CNOT1: variants seen among roughly 807,000 people sequenced by gnomAD.
The protein encoded by CNOT1 is CCR4-associated factor 1.
Under a neutral mutation model 273.8 loss-of-function variants are expected in CNOT1, and 15 were observed. The ratio of observed to expected loss-of-function variants is 0.05; its 90% CI spans 0.04 to 0.08. CNOT1 has a LOEUF of 0.08. Ranked by LOEUF, CNOT1 falls within the 10% of genes least tolerant of loss-of-function variation. The pLI is 1.00. For synonymous variants in CNOT1, 1,022 were observed against 1,005.5 expected, an observed-to-expected ratio of 1.02 and a Z score of -0.31; for missense variants, 1,644 against 2,912.2, an observed-to-expected ratio of 0.56 and a Z score of 10.02.
At position 58,578,606 on chromosome 16, in the gene CNOT1, T is replaced by TA. The variant is rs35176616; in HGVS notation, c.1584+92dup. The TA allele has an allele frequency of 0.31, 467,806 of 1,493,084 alleles. 74,830 individuals carry two copies. The highest frequency in any genetic ancestry group is 0.59 in the African/African-American group (41,482 of 70,474). The allele number at this position is 1,493,084 out of a possible 1,614,324, so 92.5% of individuals were successfully genotyped here. A position where few individuals can be genotyped will look rare whatever the true frequency, so the allele number is the denominator to read the frequency against. On this transcript the variant is annotated intron_variant, in intron 13 of 48. Coordinates refer to ENST00000317147, the MANE Select transcript of CNOT1 (RefSeq NM_016284.5). ...TTAAAGTCATAATAATTCAGAGATG[T>TA]AAAAAAAAATTTCTCTGGTTGAGCT... is the stretch of plus-strand genomic sequence containing the variant.
chr16:58,597,406 A>C (rs2042302594), intron 2 of CNOT1, among the ~76,000 whole-genome samples: 1 of 151,824 alleles, frequency 6.6e-6, no homozygotes, highest in Admixed American at 6.6e-5. Flanking sequence ...ACCCAGGAAA[A>C]GGAGGTTGCA....
intron 2 of CNOT1, among the ~76,000 whole-genome samples, chr16:58,596,707 G>A (rs372251960): frequency 3.3e-5 from 5 of 151,894 alleles, no homozygotes; most frequent in Non-Finnish European, 7.4e-5. Flanking sequence ...CTAACACGAT[G>A]AAACCCCGTC....
At chr16:58,543,308 G>A in intron 31 of CNOT1, 2 of 1,547,936 alleles carry the variant, frequency 1.3e-6, no homozygotes, top group Non-Finnish European at 1.7e-6. Flanking sequence ...TAACAGAAAT[G>A]AGATTGTCAG....
chr16:58,523,203 C>CCACT (rs1467023175), intron 47 of CNOT1, 167 bp downstream of exon 47: 1 of 540,294 alleles, frequency 1.9e-6, no homozygotes, highest in Non-Finnish European at 2.9e-6. Flanking sequence ...CAAGATGGCG[C>CCACT]CACTGTACTG....
At position 58,587,369 on chromosome 16, in the gene CNOT1, C is replaced by T; in HGVS notation, c.354G>A (p.Val118=). Residue 118 remains valine (V), a synonymous_variant, in exon 5 of 49, where the codon GTG becomes GTA. Coordinates refer to ENST00000317147, the MANE Select transcript of CNOT1 (RefSeq NM_016284.5). ...CCTCTTGTACTTTGCTTAATTTGAG[C>T]ACTTTACTCAGCTGGGCAAATAAGT... ...APHLFAQLSK[V]LKLSKVQEVI... The T allele has an allele frequency of 6.2e-7, 1 of 1,613,964 alleles. No individual in the cohort carries two copies. The highest frequency in any genetic ancestry group is 8.5e-7 in the Non-Finnish European group (1 of 1,179,988).
At chr16:58,607,667 C>T (rs529726451) in intron 1 of CNOT1, among the ~76,000 whole-genome samples, 19 of 135,936 alleles carry the variant, frequency 1.4e-4, no homozygotes, top group African/African-American at 5.1e-4. Flanking sequence ...CAGAGGGTTG[C>T]AGTGAGCGGA....
At chr16:58,530,202 A>T in intron 43 of CNOT1, 44 bp downstream of exon 43, 1 of 1,466,406 alleles carries the variant, frequency 6.8e-7, no homozygotes. Context: ...GTATTTTCTT[A>T]AGATCTCAGT....
chr16:58,549,315 G>A (rs13331129), intron 25 of CNOT1, among the ~76,000 whole-genome samples: 131 of 150,442 alleles, frequency 8.7e-4, no homozygotes, highest in African/African-American at 3.0e-3. Flanking sequence ...AAAAAAAGGG[G>A]GCTACAGCAA....
At chr16:58,614,216 G>A (rs2043002385) in intron 1 of CNOT1, among the ~76,000 whole-genome samples, 1 of 123,722 alleles carries the variant, frequency 8.1e-6, no homozygotes, top group African/African-American at 2.7e-5. Flanking sequence ...CTCACTCACT[G>A]TAGAAGAGAG....
rs1320829956 is a variant in CNOT1 at position 58,538,686 on chromosome 16, G to A, written c.5135+86C>T. On this transcript the variant is annotated intron_variant, in intron 36 of 48. Coordinates refer to ENST00000317147, the MANE Select transcript of CNOT1 (RefSeq NM_016284.5). ...GTCCGACCTACCTACTAGAAAAAAG[G>A]GAAACCCCTGGACATAAACAGTACT... is the stretch of plus-strand genomic sequence containing the variant. 1.4e-5 allele frequency: 22 copies of A among 1,548,760 alleles called. No homozygotes were observed. In the Admixed American group the frequency reaches 3.6e-4, roughly 26 times the overall value.
At chr16:58,596,069 T>C (rs1273714767) in intron 2 of CNOT1, among the ~76,000 whole-genome samples, 3 of 152,180 alleles carry the variant, frequency 2.0e-5, no homozygotes, top group East Asian at 1.9e-4. Flanking sequence ...ACAAGTGAAA[T>C]TGAAATCAGT....
At chr16:58,533,553 G>T (rs533339175) in intron 40 of CNOT1, among the ~76,000 whole-genome samples, 1 of 152,194 alleles carries the variant, frequency 6.6e-6, no homozygotes, top group Admixed American at 6.5e-5. Context: ...GGAGAATGGC[G>T]TGAATCTGGG....
chr16:58,596,156 GCTGT>G (rs564749622), intron 2 of CNOT1, among the ~76,000 whole-genome samples: 8 of 152,206 alleles, frequency 5.3e-5, no homozygotes, highest in Non-Finnish European at 8.8e-5. Context: ...GAAAAGTAAA[GCTGT>G]CTAAGATGTG....
Position 58,546,679 on chromosome 16 carries a change from T to A in CNOT1, c.3821A>T (p.Asp1274Val), listed in dbSNP as rs138078047. ...AAGGAAGCAGTAAATTACCTTTAAG[T>A]CATGCTCCTGATGTAGCTCAGCTAA... The part of the protein sequence containing the change: ...NVLAELHQEH[D>V]LKLNLKFEIE... Residue 1274 changes from aspartate (D) to valine (V), a missense_variant, in exon 28 of 49, where the codon GAC becomes GTC. Asp to Val is a radical substitution (Grantham distance 152, BLOSUM62 -3). Around this residue, in one of 13 missense-constraint regions of CNOT1, gnomAD observed 124 missense variants for 289.3 expected, o/e 0.43. Transcript: ENST00000317147. 1.2e-6 allele frequency: 2 copies of A among 1,613,962 alleles called. No individual in the cohort carries two copies. Among genetic ancestry groups the A allele is most frequent in the Non-Finnish European group, 1.7e-6 (2 of 1,179,922 alleles).
chr16:58,565,712 G>A (rs975982959), intron 16 of CNOT1, among the ~76,000 whole-genome samples: 2 of 152,148 alleles, frequency 1.3e-5, no homozygotes, highest in African/African-American at 2.4e-5. Context: ...GGAGGCAGAG[G>A]TGGGCAGATC....
chr16:58,534,268 G>C lies in CNOT1; in HGVS notation c.5774C>G (p.Pro1925Arg), dbSNP rs776007063. Reference protein sequence around the residue: ...AEQQHNPAANPTMIRAKCYHN... With the variant: ...AEQQHNPAANRTMIRAKCYHN... The stretch of plus-strand genomic sequence containing the variant: ...ATAGCACTTGGCTCGGATCATGGTG[G>C]GATTGGCAGCAGGATTGTGCTGCTG... The change falls in exon 40 of 49, where the codon CCC becomes CGC. Residue 1925 changes from proline to arginine, a missense_variant. Physicochemically the swap from Pro to Arg is moderately radical, Grantham distance 103. Coordinates refer to ENST00000317147, the MANE Select transcript of CNOT1 (RefSeq NM_016284.5). 6.2e-7 allele frequency: 1 copy of C among 1,613,982 alleles called. No homozygotes were observed. The highest frequency in any genetic ancestry group is 8.5e-7 in the Non-Finnish European group (1 of 1,180,028).
Position 58,543,871 on chromosome 16 carries a change from C to T in CNOT1, c.4170G>A (p.Lys1390=), listed in dbSNP as rs558622309. The T allele has an allele frequency of 2.0e-5, 33 of 1,613,122 alleles. 1 individual carries two copies. The South Asian group carries it at 3.6e-4, about 18-fold the overall frequency. Residue 1390 remains lysine, a synonymous_variant, in exon 31 of 49, where the codon AAG becomes AAA. Coordinates refer to ENST00000317147, the MANE Select transcript of CNOT1 (RefSeq NM_016284.5). ...IPLFQAHPQL[K]QCVRQAIERA... Reference sequence around the variant, plus strand: ...GTTCAATTGCCTGACGCACACACTGCTTCAACTGTGGATGGGCCTGAAACA... The same window carrying T: ...GTTCAATTGCCTGACGCACACACTGTTTCAACTGTGGATGGGCCTGAAACA...
At chr16:58,545,963 G>C (rs2040246585) in intron 29 of CNOT1, among the ~76,000 whole-genome samples, 1 of 152,160 alleles carries the variant, frequency 6.6e-6, no homozygotes, top group African/African-American at 2.4e-5. Flanking sequence ...TCCCTTGGCA[G>C]ATCTAGCAGG....
intron 14 of CNOT1, 42 bp from the exon 15 acceptor site, chr16:58,575,171 A>C (rs765559113): frequency 6.3e-7 from 1 of 1,598,602 alleles, no homozygotes; most frequent in South Asian, 1.1e-5. Flanking sequence ...TGGAGCAATT[A>C]AGTAACTATC....
Sources: allele counts gnomAD v4.1 joint callset (sites outside exome capture counted in the v4.1 genomes callset), GRCh38; gene constraint gnomAD v4.1.1; regional missense constraint gnomAD v4.1.1; transcripts MANE v1.5; gene names NCBI Gene and HGNC (gene_info 2026-07-23, HGNC 2026-07-21).